The following STK3 variants were observed in gnomAD, a reference collection of about 807,000 sequenced individuals.
STK3 encodes the protein serine/threonine kinase 3.
In STK3, 41 loss-of-function variants were observed where a neutral mutation model predicts 58.0. The ratio of observed to expected loss-of-function variants is 0.71; its 90% confidence interval spans 0.55 to 0.92. The LOEUF (loss-of-function observed/expected upper bound fraction) is 0.92, where lower values mean the gene tolerates loss of function less well. Among genes scored for constraint, STK3 ranks in the 40% least tolerant of loss-of-function variants. The pLI is 0.00. For synonymous variants in STK3, 170 were observed against 191.0 expected (o/e 0.89, Z 0.91); for missense variants, 479 against 602.7 (o/e 0.79, Z 2.15).
intron 7 of STK3, among the ~76,000 whole-genome samples, chr8:98,584,384 T>C (rs1350507951): frequency 6.6e-6 from 1 of 152,044 alleles, no homozygotes; most frequent in African/African-American, 2.4e-5. Flanking sequence ...TTACTGAGAA[T>C]GATGATTTCC....
In STK3 at chr8:98,706,505, C is replaced by T. The variant is rs1825971414; in HGVS notation, c.646G>A (p.Glu216Lys). The change falls in exon 6 of 11, where the codon GAA becomes AAA. Residue 216 changes from glutamate (E) to lysine (K), a missense_variant. Transcript: ENST00000419617. ...SLGITSIEMA[E>K]GKPPYADIHP... The stretch of plus-strand genomic sequence containing the variant: ...ATATCAGCATAAGGAGGTTTTCCTT[C>T]AGCCATTTCTATAGAAGTAATGCCA... The T allele has an allele frequency of 6.2e-7, 1 of 1,613,536 alleles. No individual in the cohort carries two copies. Among genetic ancestry groups the T allele is most frequent in the Non-Finnish European group, 8.5e-7 (1 of 1,179,788 alleles).
chr8:98,572,063 C>T (rs1378834948), intron 8 of STK3, among the ~76,000 whole-genome samples: 2 of 152,282 alleles, frequency 1.3e-5, no homozygotes, highest in East Asian at 3.9e-4. Context: ...TGCTGTTTTA[C>T]TTAAAAACAA....
Position 98,838,887 on chromosome 8 carries a change from C to T in STK3, c.110+44760G>A, listed in dbSNP as rs142464852. Among the ~76,000 whole-genome samples the T allele has an allele frequency of 9.9e-3, 1,497 of 151,690 alleles. 12 individuals carry two copies. Among genetic ancestry groups the T allele is most frequent in the Non-Finnish European group, 0.013 (900 of 67,880 alleles). ...CGCAATCCCGCCCCCACCCTACCAT[C>T]GAGGCCGTTTACCTTCCTTGGCTAT... On this transcript the variant is annotated intron_variant, in intron 3 of 12. Coordinates refer to the STK3 transcript ENST00000523601.
intron 1 of STK3, among the ~76,000 whole-genome samples, chr8:98,910,613 A>G (rs1229598985): frequency 1.3e-5 from 2 of 152,248 alleles, no homozygotes; most frequent in African/African-American, 4.8e-5. Context: ...GTGGTACATT[A>G]CAGAATTTAC....
At chr8:98,550,660 T>A (rs950667517) in intron 8 of STK3, among the ~76,000 whole-genome samples, 1 of 152,128 alleles carries the variant, frequency 6.6e-6, no homozygotes, top group African/African-American at 2.4e-5. Flanking sequence ...CACTACATCA[T>A]AGGTGGTTTA....
At chr8:98,584,317 C>G (rs1438628812) in intron 7 of STK3, among the ~76,000 whole-genome samples, 1 of 146,090 alleles carries the variant, frequency 6.8e-6, no homozygotes, top group Non-Finnish European at 1.5e-5. Flanking sequence ...TCTCATTGTT[C>G]AATTCCCACC....
chr8:98,694,727 C>T (rs956481960), intron 6 of STK3, among the ~76,000 whole-genome samples: 1 of 152,208 alleles, frequency 6.6e-6, no homozygotes, highest in Non-Finnish European at 1.5e-5. Flanking sequence ...ATATGTGCCA[C>T]ATTTTCTTAA....
chr8:98,805,658 T>C (rs1554681322), intron 1 of STK3, among the ~76,000 whole-genome samples: 1 of 151,914 alleles, frequency 6.6e-6, no homozygotes, highest in Non-Finnish European at 1.5e-5. Flanking sequence ...ACATAAGAAA[T>C]AGACAGTAGA....
intron 6 of STK3, among the ~76,000 whole-genome samples, chr8:98,650,996 C>A (rs1046326829): frequency 1.3e-5 from 2 of 152,222 alleles, no homozygotes; most frequent in African/African-American, 4.8e-5. Context: ...CAGTGGTTCT[C>A]CCAGCACGCA....
intron 3 of STK3, among the ~76,000 whole-genome samples, chr8:98,754,913 T>C (rs1417537230): frequency 6.6e-6 from 1 of 152,204 alleles, no homozygotes; most frequent in African/African-American, 2.4e-5. Flanking sequence ...CAAAAAAATG[T>C]ACATTTTTCT....
the STK3 span, among the ~76,000 whole-genome samples, chr8:98,349,417 C>T: frequency 6.6e-6 from 1 of 152,226 alleles, no homozygotes; most frequent in Non-Finnish European, 1.5e-5. Context: ...GCTGCTTTCA[C>T]AGGGTGGTGT....
At chr8:98,741,272 C>T (rs1348835843) in intron 4 of STK3, among the ~76,000 whole-genome samples, 1 of 152,164 alleles carries the variant, frequency 6.6e-6, no homozygotes, top group Non-Finnish European at 1.5e-5. Context: ...AACTCTCCAC[C>T]CCAAATCAAC....
At position 98,683,588 on chromosome 8, in the gene STK3, T is replaced by C. The variant is rs184052856; in HGVS notation, c.684+22879A>G. Among the ~76,000 whole-genome samples, 8 of 152,192 alleles carry C rather than the reference T, an allele frequency of 5.3e-5. No individual in the cohort carries two copies. In the East Asian group the frequency reaches 9.6e-4, roughly 18 times the overall value. On this transcript the variant is annotated intron_variant, in intron 6 of 10. Coordinates refer to ENST00000419617, the MANE Select transcript of STK3 (RefSeq NM_006281.4). ...TACGACAACTATATCAAAATAACTA[T>C]GATAATACACAGTAAGTTTAAAAGT...
intron 1 of STK3, among the ~76,000 whole-genome samples, chr8:98,444,928 T>C (rs539480714): frequency 4.6e-5 from 7 of 152,298 alleles, no homozygotes; most frequent in African/African-American, 1.7e-4. Flanking sequence ...TTGAATTCAA[T>C]TTTGATGGCA....
At chr8:98,543,519 G>A (rs1563723267) in intron 9 of STK3, among the ~76,000 whole-genome samples, 1 of 152,148 alleles carries the variant, frequency 6.6e-6, no homozygotes, top group Admixed American at 6.5e-5. Flanking sequence ...CTGATGAGAT[G>A]TTACTTCCAT....
rs1030918607 is a variant in STK3 at position 98,423,221 on chromosome 8, G to T, written n.483+10906C>A. 3.3e-5 allele frequency among the ~76,000 whole-genome samples: 5 copies of T among 152,238 alleles called. No homozygotes were observed. In the South Asian group the frequency reaches 8.3e-4, roughly 25 times the overall value. ...TGTATTCAATAACTATTTAATATAC[G>T]TGTCGTGAAGGCACAAGAGAAACTG... On this transcript the variant is annotated intron_variant and non_coding_transcript_variant, in intron 3 of 3. Coordinates refer to the STK3 transcript ENST00000517832.
At chr8:98,395,605 C>A (rs1563591721) in intron 3 of STK3, among the ~76,000 whole-genome samples, 1 of 152,168 alleles carries the variant, frequency 6.6e-6, no homozygotes, top group Non-Finnish European at 1.5e-5. Context: ...TTGGCTACAA[C>A]CTTGATGTGT....
chr8:98,878,613 T>C (rs545972254), intron 3 of STK3, among the ~76,000 whole-genome samples: 41 of 152,228 alleles, frequency 2.7e-4, no homozygotes, highest in East Asian at 2.1e-3. Flanking sequence ...CCCTAGCCAA[T>C]AGGGGAAGAA....
intron 4 of STK3, among the ~76,000 whole-genome samples, chr8:98,718,973 TGGC>T (rs1168364068): frequency 3.3e-5 from 5 of 152,190 alleles, no homozygotes; most frequent in African/African-American, 1.2e-4. Context: ...GAACTATGCC[TGGC>T]GTACAGATAG....
Sources: gnomAD v4.1 joint callset for allele counts (sites outside exome capture counted in the v4.1 genomes callset) on GRCh38, gnomAD v4.1.1 for gene constraint, MANE v1.5 for transcripts, NCBI Gene and HGNC (gene_info 2026-07-23, HGNC 2026-07-21) for gene names.